OPN1LW: variants seen among roughly 807,000 people sequenced by gnomAD.
OPN1LW encodes the protein opsin 1, long wave sensitive, also known as long-wave-sensitive opsin 1.
OPN1LW carries 4 observed loss-of-function variants against 18.1 expected under a neutral mutation model. The ratio of observed to expected loss-of-function variants is 0.22; its 90% CI spans 0.11 to 0.51. The LOEUF is 0.51. Ranked by LOEUF, OPN1LW falls within the 20% of genes least tolerant of loss-of-function variation. The pLI is 0.97. For synonymous variants in OPN1LW, 86 were observed against 101.2 expected (o/e 0.85, Z 0.90); for missense variants, 164 against 234.9 (o/e 0.70, Z 1.97).
rs782323092 is a variant in OPN1LW, at chrX:154,149,406, T to TA, written c.113-1247dup. ...AGCTGGGTGTGGTGGTGGGTGCCTG[T>TA]AAATCCCAGCTACTACTCCGGAGGC... On this transcript the variant is annotated intron_variant, in intron 1 of 5. Transcript: ENST00000369951. Among the ~76,000 whole-genome samples the TA allele has an allele frequency of 3.9e-3, 367 of 94,629 alleles. 8 individuals carry two copies. Among genetic ancestry groups the TA allele is most frequent in the African/African-American group, 0.017 (353 of 20,348 alleles). The allele number at this position is 94,629 out of a possible 115,157, so 82.2% of individuals were successfully genotyped here.
chrX:154,156,680 C>T lies in OPN1LW; in HGVS notation c.984+147C>T, dbSNP rs1468641018. On this transcript the variant is annotated intron_variant, in intron 5 of 5. Transcript: ENST00000369951. ...AGGGAAATGACCGGGAAAGGCTCAG[C>T]GTGTGACCCAGCCCCAGCCAGAGCT... is the stretch of plus-strand genomic sequence containing the variant. 3.1e-4 allele frequency: 323 copies of T among 1,040,024 alleles called. 2 individuals carry two copies. Among genetic ancestry groups the T allele is most frequent in the South Asian group, 6.0e-4 (31 of 51,355 alleles). 85.7% of individuals were successfully genotyped at this position (1,040,024 alleles called of 1,213,427 possible).
intron 1 of OPN1LW, 49 bp from the exon 2 acceptor site, chrX:154,150,607 G>C (rs1455437464): frequency 2.3e-5 from 27 of 1,155,117 alleles, no homozygotes; most frequent in Non-Finnish European, 2.8e-5. Flanking sequence ...GGTATAGACA[G>C]GCGGTGCTGC....
chrX:154,148,230 C>T (rs2067062049), intron 1 of OPN1LW, among the ~76,000 whole-genome samples: 1 of 103,443 alleles, frequency 9.7e-6, no homozygotes, highest in Admixed American at 9.9e-5. Context: ...GCCTGGGTGC[C>T]AGAGCCAGGC....
intron 3 of OPN1LW, among the ~76,000 whole-genome samples, chrX:154,154,139 T>A (rs1187067157): frequency 1.3e-4 from 12 of 94,820 alleles, no homozygotes; most frequent in Non-Finnish European, 2.2e-4. Context: ...TAATTTTTTT[T>A]ATTTTTTGTA....
chrX:154,148,538 T>C (rs2067063257), intron 1 of OPN1LW, among the ~76,000 whole-genome samples: 1 of 103,433 alleles, frequency 9.7e-6, no homozygotes, highest in African/African-American at 4.2e-5. Flanking sequence ...CCCAAAGTGC[T>C]GGGATTACAG....
chrX:154,148,710 G>T (rs1231248250), intron 1 of OPN1LW, among the ~76,000 whole-genome samples: 1 of 105,428 alleles, frequency 9.5e-6, no homozygotes, highest in Non-Finnish European at 1.9e-5. Context: ...ACATTCTGAG[G>T]TATTGGGGTT....
At chrX:154,154,068 G>C (rs1465350411) in intron 3 of OPN1LW, among the ~76,000 whole-genome samples, 4 of 94,197 alleles carry the variant, frequency 4.2e-5, no homozygotes, top group Non-Finnish European at 8.1e-5. Flanking sequence ...CTGGGCTCAA[G>C]TGATCCTCCT....
At position 154,148,481 on chromosome X, in the gene OPN1LW, A is replaced by G. The variant is rs1375116749; in HGVS notation, c.113-2175A>G. 2.0e-5 allele frequency among the ~76,000 whole-genome samples: 2 copies of G among 102,541 alleles called. 1 individual carries two copies. Among genetic ancestry groups the G allele is most frequent in the African/African-American group, 8.5e-5 (2 of 23,415 alleles). The allele number at this position is 102,541 out of a possible 115,157, so 89.0% of individuals were successfully genotyped here. A position where few individuals can be genotyped will look rare whatever the true frequency, so the allele number is the denominator to read the frequency against. On this transcript the variant is annotated intron_variant, in intron 1 of 5. Coordinates refer to ENST00000369951, the MANE Select transcript of OPN1LW (RefSeq NM_020061.6). ...GTAGAGACGGGGTTTCACCATGGCC[A>G]GGCTGGTTTTGAACTCCTGACCTCA...
chrX:154,145,565 C>T (rs1331802630), intron 1 of OPN1LW, among the ~76,000 whole-genome samples: 4 of 19,215 alleles, frequency 2.1e-4, no homozygotes, highest in South Asian at 8.4e-3. Context: ...GTGGGGTGGC[C>T]AGGACCGAGT....
intron 1 of OPN1LW, among the ~76,000 whole-genome samples, chrX:154,148,957 G>A (rs1557157219): frequency 9.5e-6 from 1 of 104,753 alleles, no homozygotes; most frequent in Admixed American, 9.7e-5. Flanking sequence ...TGTAATCCCA[G>A]CACTTTGGGA....
intron 1 of OPN1LW, among the ~76,000 whole-genome samples, chrX:154,148,028 C>T (rs2067061258): frequency 3.7e-5 from 3 of 81,633 alleles, no homozygotes; most frequent in Middle Eastern, 0.011. Context: ...GTCAGGAGTT[C>T]GAGACCAGCC....
intron 1 of OPN1LW, among the ~76,000 whole-genome samples, chrX:154,148,809 C>A (rs1427307904): frequency 9.5e-6 from 1 of 105,345 alleles, no homozygotes; most frequent in East Asian, 2.8e-4. Flanking sequence ...ATTTTCTGAG[C>A]ATCTATTGTG....
chrX:154,149,627 T>G (rs2067068509), intron 1 of OPN1LW, among the ~76,000 whole-genome samples: 1 of 74,678 alleles, frequency 1.3e-5, no homozygotes. Context: ...TTCTCACAGC[T>G]CTGGAGGCTG....
chrX:154,149,033 G>A (rs1183634201), intron 1 of OPN1LW, among the ~76,000 whole-genome samples: 3 of 102,505 alleles, frequency 2.9e-5, no homozygotes, highest in Non-Finnish European at 3.8e-5. Flanking sequence ...GTGAAGCCCC[G>A]TCTCTACTAA....
In OPN1LW at chrX:154,156,289, C is replaced by T; in HGVS notation, c.745-5C>T. ...CCCCCGACTCACTATCCCTGTCTCC[C>T]TTAGGTGGCAAAGCAGCAGAAAGAG... On this transcript the variant is annotated splice_region_variant and splice_polypyrimidine_tract_variant and intron_variant, in intron 4 of 5. Coordinates refer to ENST00000369951, the MANE Select transcript of OPN1LW (RefSeq NM_020061.6). The T allele has an allele frequency of 8.4e-7, 1 of 1,196,255 alleles. No homozygotes were observed. Among genetic ancestry groups the T allele is most frequent in the Non-Finnish European group, 1.1e-6 (1 of 887,607 alleles).
In OPN1LW at chrX:154,144,327, C is replaced by T. The variant is rs782024126; in HGVS notation, c.44C>T (p.Pro15Leu). ...CTCCAAAGGCTCGCAGGCCGCCATC[C>T]GCAGGACAGCTATGAGGACAGCACC... ...WSLQRLAGRH[P>L]QDSYEDSTQS... is the part of the protein sequence containing the mutation. The change falls in exon 1 of 6, where the codon CCG becomes CTG. Residue 15 changes from proline (P) to leucine (L), a missense_variant. Physicochemically the swap from Pro to Leu is moderately conservative, Grantham distance 98. Transcript: ENST00000369951. 63 of 1,195,174 alleles carry T rather than the reference C, an allele frequency of 5.3e-5. No individual in the cohort carries two copies. Among genetic ancestry groups the T allele is most frequent in the East Asian group, 9.0e-5 (3 of 33,354 alleles).
At position 154,156,470 on chromosome X, in the gene OPN1LW, G is replaced by T. The variant is rs149719211; in HGVS notation, c.921G>T (p.Pro307=). 7.5e-6 allele frequency: 9 copies of T among 1,202,694 alleles called. No individual in the cohort carries two copies. The African/African-American group carries it at 1.6e-4, about 21-fold the overall frequency. ...YAFHPLMAAL[P]AYFAKSATIY... is the part of the protein sequence containing the mutation. ...TCCACCCTTTGATGGCTGCCCTGCC[G>T]GCCTACTTTGCCAAAAGTGCCACTA... Residue 307 remains proline (P), a synonymous_variant, in exon 5 of 6, where the codon CCG becomes CCT. Coordinates refer to ENST00000369951, the MANE Select transcript of OPN1LW (RefSeq NM_020061.6).
intron 3 of OPN1LW, among the ~76,000 whole-genome samples, chrX:154,154,102 G>A (rs1254330379): frequency 2.1e-5 from 2 of 95,618 alleles, no homozygotes; most frequent in Non-Finnish European, 4.0e-5. Flanking sequence ...GAGGAGCTGG[G>A]CCTACAGATG....
chrX:154,150,935 A>C lies in OPN1LW; in HGVS notation c.392A>C (p.Tyr131Ser). Residue 131 changes from tyrosine to serine, a missense_variant, in exon 2 of 6, where the codon TAC (tyrosine) becomes TCC (serine). Transcript: ENST00000369951. The part of the protein sequence containing the change: ...LGHPMCVLEG[Y>S]TVSLCGITGL... Reference sequence around the variant, plus strand: ...CACCCTATGTGTGTCCTGGAGGGCTACACCGTCTCCCTGTGTGGTAAGCCA... The same window carrying C: ...CACCCTATGTGTGTCCTGGAGGGCTCCACCGTCTCCCTGTGTGGTAAGCCA... 4 of 1,190,720 alleles carry C rather than the reference A, an allele frequency of 3.4e-6. No individual in the cohort carries two copies. The highest frequency in any genetic ancestry group is 4.5e-6 in the Non-Finnish European group (4 of 887,191).
Sources: gnomAD v4.1 joint callset for allele counts (sites outside exome capture counted in the v4.1 genomes callset) on GRCh38, gnomAD v4.1.1 for gene constraint, MANE v1.5 for transcripts, NCBI Gene and HGNC (gene_info 2026-07-23, HGNC 2026-07-21) for gene names.